The following GPC3 variants were observed in gnomAD, a reference collection of about 807,000 sequenced individuals.
GPC3 encodes the protein glypican 3, also known as glypican-3.
Under a neutral mutation model 34.4 loss-of-function variants are expected in GPC3, and 3 were observed. The ratio of observed to expected loss-of-function variants is 0.09; its 90% CI spans 0.04 to 0.23. GPC3 has a LOEUF of 0.23. Ranked by LOEUF, GPC3 falls within the 10% of genes least tolerant of loss-of-function variation. GPC3 has a pLI of 1.00. For missense variants in GPC3, 351 were observed against 445.6 expected (o/e 0.79, Z 1.91); for synonymous variants, 177 against 174.0 (o/e 1.02, Z -0.13).
intron 7 of GPC3, among the ~76,000 whole-genome samples, chrX:133,550,246 C>T (rs1419543351): frequency 9.1e-6 from 1 of 110,294 alleles, no homozygotes; most frequent in Non-Finnish European, 1.9e-5. Context: ...AACTCTTGAC[C>T]TCAGGTGATC....
At chrX:133,953,234 G>A in intron 1 of GPC3, 23 bp from the exon 2 acceptor site, 1 of 1,192,362 alleles carries the variant, frequency 8.4e-7, no homozygotes, top group Non-Finnish European at 1.1e-6. Flanking sequence ...AGGTTTTCAT[G>A]TTTCAGTAAG....
intron 6 of GPC3, among the ~76,000 whole-genome samples, chrX:133,654,477 C>T (rs968991710): frequency 1.2e-4 from 13 of 111,093 alleles, no homozygotes; most frequent in South Asian, 3.8e-4. Context: ...TTTGGGAGGC[C>T]GAGGCAGGCG....
intron 2 of GPC3, among the ~76,000 whole-genome samples, chrX:133,848,987 C>G (rs1277680044): frequency 9.1e-6 from 1 of 110,444 alleles, no homozygotes; most frequent in Non-Finnish European, 1.9e-5. Context: ...TGGCTGATCT[C>G]CATCTGTACT....
chrX:133,892,914 C>T (rs369411744), intron 2 of GPC3, among the ~76,000 whole-genome samples: 12 of 111,561 alleles, frequency 1.1e-4, no homozygotes, highest in South Asian at 3.8e-4. Flanking sequence ...ATTAGATATC[C>T]AAATATCTCT....
intron 1 of GPC3, among the ~76,000 whole-genome samples, chrX:133,962,300 C>A (rs1018244979): frequency 8.9e-6 from 1 of 111,875 alleles, no homozygotes; most frequent in Admixed American, 9.5e-5. Flanking sequence ...TATATGCATG[C>A]CTTATTTCCA....
intron 5 of GPC3, among the ~76,000 whole-genome samples, chrX:133,683,924 T>C (rs2070970564): frequency 8.9e-6 from 1 of 112,047 alleles, no homozygotes; most frequent in Non-Finnish European, 1.9e-5. Flanking sequence ...ATAGAGAGAT[T>C]ATTACATGGG....
intron 2 of GPC3, among the ~76,000 whole-genome samples, chrX:133,892,940 G>A (rs1392625822): frequency 1.8e-5 from 2 of 111,368 alleles, no homozygotes; most frequent in South Asian, 3.8e-4. Context: ...TCAGTCTTTC[G>A]GAGAGTCATC....
intron 1 of GPC3, among the ~76,000 whole-genome samples, chrX:133,964,523 T>C (rs1334017627): frequency 8.9e-6 from 1 of 112,127 alleles, no homozygotes; most frequent in East Asian, 2.8e-4. Context: ...CATGGTGAAA[T>C]GGCTTAACCA....
intron 3 of GPC3, among the ~76,000 whole-genome samples, chrX:133,735,709 TCC>T (rs2124466583): frequency 9.0e-6 from 1 of 111,081 alleles, no homozygotes; most frequent in Admixed American, 9.6e-5. Context: ...ACACCTGTAA[TCC>T]CAACACTTTG....
At chrX:133,649,652 G>T (rs2070577417) in intron 6 of GPC3, among the ~76,000 whole-genome samples, 1 of 111,772 alleles carries the variant, frequency 8.9e-6, no homozygotes, top group Admixed American at 9.5e-5. Context: ...GTTCTGGTCT[G>T]GAGATCTTTC....
intron 1 of GPC3, among the ~76,000 whole-genome samples, chrX:133,968,965 TG>T (rs1363247280): frequency 9.0e-6 from 1 of 110,712 alleles, no homozygotes; most frequent in Non-Finnish European, 1.9e-5. Flanking sequence ...AAATTAAATT[TG>T]TATAATGAGC....
At chrX:133,671,432 A>G in intron 5 of GPC3, 1 of 468,260 alleles carries the variant, frequency 2.1e-6, no homozygotes, top group East Asian at 3.6e-5. Flanking sequence ...TTTTCATGAG[A>G]GGATTTATAA....
chrX:133,919,526 G>T (rs1051789206), intron 2 of GPC3, among the ~76,000 whole-genome samples: 26 of 111,508 alleles, frequency 2.3e-4, no homozygotes, highest in Admixed American at 2.2e-3. Context: ...GGAAGAGAGG[G>T]CTAAGTCTGG....
At chrX:133,945,921 A>T (rs181340786) in intron 2 of GPC3, among the ~76,000 whole-genome samples, 10 of 111,793 alleles carry the variant, frequency 8.9e-5, no homozygotes, top group Admixed American at 1.9e-4. Context: ...CCAATTATAT[A>T]AGTTTTGAGC....
chrX:133,935,651 T>A (rs1315952013), intron 2 of GPC3, among the ~76,000 whole-genome samples: 1 of 111,461 alleles, frequency 9.0e-6, no homozygotes, highest in Admixed American at 9.6e-5. Context: ...CGTTTTTCAG[T>A]TGAATATGAT....
intron 2 of GPC3, among the ~76,000 whole-genome samples, chrX:133,847,543 C>T (rs1335300155): frequency 1.8e-5 from 2 of 112,141 alleles, no homozygotes; most frequent in East Asian, 5.6e-4. Flanking sequence ...TTTCCATTGC[C>T]TTTTTTCCAT....
At chrX:133,853,974 C>G (rs1052738404) in intron 2 of GPC3, among the ~76,000 whole-genome samples, 1 of 112,096 alleles carries the variant, frequency 8.9e-6, no homozygotes, top group Admixed American at 9.4e-5. Flanking sequence ...AATTTTTCCA[C>G]TAGTCTTTGC....
At chrX:133,969,662 A>C (rs185237594) in intron 1 of GPC3, among the ~76,000 whole-genome samples, 7 of 111,778 alleles carry the variant, frequency 6.3e-5, no homozygotes, top group East Asian at 5.6e-4. Context: ...CAATATGAGG[A>C]GGCACAAAGG....
chrX:133,930,352 CAAAGA>C (rs2076293093), intron 2 of GPC3, among the ~76,000 whole-genome samples: 1 of 112,162 alleles, frequency 8.9e-6, no homozygotes, highest in Non-Finnish European at 1.9e-5. Context: ...ACCTCCATGA[CAAAGA>C]ATTACCTTGT....
Sources: allele counts gnomAD v4.1 joint callset (sites outside exome capture counted in the v4.1 genomes callset), GRCh38; gene constraint gnomAD v4.1.1; transcripts MANE v1.5; gene names NCBI Gene and HGNC (gene_info 2026-07-23, HGNC 2026-07-21).